The following ZDHHC15 variants were observed in gnomAD, a reference collection of about 807,000 sequenced individuals.
The protein encoded by ZDHHC15 is zDHHC palmitoyltransferase 15, also known as palmitoyltransferase ZDHHC15.
A neutral mutation model predicts 31.7 loss-of-function variants in ZDHHC15; 19 were observed. The ratio of observed to expected loss-of-function variants is 0.60; its 90% CI spans 0.42 to 0.88. The LOEUF (loss-of-function observed/expected upper bound fraction) is 0.88, where lower values mean the gene tolerates loss of function less well. Among genes scored for constraint, ZDHHC15 ranks in the 40% least tolerant of loss-of-function variants. ZDHHC15 has a pLI of 0.00. For missense variants in ZDHHC15, 209 were observed against 251.2 expected, an observed-to-expected ratio of 0.83 and a Z score of 1.14; for synonymous variants, 103 against 90.0, an observed-to-expected ratio of 1.14 and a Z score of -0.82.
chrX:75,490,776 GA>G (rs1469583279), intron 2 of ZDHHC15, among the ~76,000 whole-genome samples: 1 of 111,643 alleles, frequency 9.0e-6, no homozygotes, highest in Non-Finnish European at 1.9e-5. Context: ...GCTCACTCAT[GA>G]TTTGGCTCTC....
Position 75,370,231 on chromosome X carries a change from G to A in ZDHHC15, c.*2747C>T, listed in dbSNP as rs1261598113. On this transcript the variant is annotated 3_prime_UTR_variant, in exon 12 of 12. Transcript: ENST00000373367. ...CAATGAGTATCTTCATTTTGCAAACGGAGAAAATGAGTATCAACAATTAGG... is the reference window on the plus strand; with the variant it reads ...CAATGAGTATCTTCATTTTGCAAACAGAGAAAATGAGTATCAACAATTAGG... 1 of 111,400 alleles carries A rather than the reference G, an allele frequency of 9.0e-6. No individual in the cohort carries two copies. Among genetic ancestry groups the A allele is most frequent in the African/African-American group, 3.3e-5 (1 of 30,656 alleles). The allele number at this position is 111,400 out of a possible 1,213,427, so 9.2% of individuals were successfully genotyped here.
rs1244663405 is a variant in ZDHHC15, at chrX:75,431,889, C to G, written c.380-369G>C. Among the ~76,000 whole-genome samples, 7 of 111,866 alleles carry G rather than the reference C, an allele frequency of 6.3e-5. No homozygotes were observed. In the Admixed American group the frequency reaches 6.7e-4, roughly 11 times the overall value. On this transcript the variant is annotated intron_variant, in intron 4 of 11. Transcript: ENST00000373367. ...GAAAATAAGGATTCACAGTTTATCTCCTGTCTCCAGAGGTTGGATTGTATG... is the reference window on the plus strand; with the variant it reads ...GAAAATAAGGATTCACAGTTTATCTGCTGTCTCCAGAGGTTGGATTGTATG...
chrX:75,399,025 T>C (rs1006139850), intron 10 of ZDHHC15, among the ~76,000 whole-genome samples: 3 of 111,929 alleles, frequency 2.7e-5, no homozygotes, highest in African/African-American at 9.8e-5. Context: ...CAAGTTGCCA[T>C]GTTTGATGTT....
intron 3 of ZDHHC15, among the ~76,000 whole-genome samples, chrX:75,464,509 A>G (rs2084371780): frequency 9.0e-6 from 1 of 111,716 alleles, no homozygotes; most frequent in Non-Finnish European, 1.9e-5. Context: ...GTTAAAACAA[A>G]AAAAGAAAAC....
chrX:75,445,672 T>C (rs770958180), intron 4 of ZDHHC15, among the ~76,000 whole-genome samples: 2 of 111,932 alleles, frequency 1.8e-5, no homozygotes, highest in African/African-American at 3.2e-5. Context: ...ATTACAATGA[T>C]AGTTGAACTC....
chrX:75,453,936 T>C (rs1214265637), intron 3 of ZDHHC15, among the ~76,000 whole-genome samples: 3 of 111,640 alleles, frequency 2.7e-5, no homozygotes, highest in Non-Finnish European at 5.6e-5. Flanking sequence ...AGTATCATAC[T>C]GAATGGGCAA....
At chrX:75,384,062 A>G (rs1456080658) in intron 10 of ZDHHC15, among the ~76,000 whole-genome samples, 3 of 110,443 alleles carry the variant, frequency 2.7e-5, no homozygotes, top group Non-Finnish European at 5.7e-5. Context: ...GTTTTTCCCT[A>G]TTCTCTCTCC....
intron 1 of ZDHHC15, among the ~76,000 whole-genome samples, chrX:75,508,953 A>G (rs1306809996): frequency 9.0e-6 from 1 of 111,025 alleles, no homozygotes; most frequent in Non-Finnish European, 1.9e-5. Context: ...TTCTTTTGAG[A>G]AGTGTCTGTT....
At chrX:75,454,746 C>T (rs982728882) in intron 3 of ZDHHC15, among the ~76,000 whole-genome samples, 2 of 110,954 alleles carry the variant, frequency 1.8e-5, no homozygotes, top group African/African-American at 6.5e-5. Context: ...CACATGTACC[C>T]TAGAACTTAA....
intron 3 of ZDHHC15, among the ~76,000 whole-genome samples, chrX:75,466,106 A>G (rs915877970): frequency 6.3e-5 from 7 of 111,871 alleles, no homozygotes; most frequent in Admixed American, 2.9e-4. Context: ...TAAGAAAAAA[A>G]CAAACAACCC....
intron 4 of ZDHHC15, among the ~76,000 whole-genome samples, chrX:75,439,860 C>T (rs1218138242): frequency 9.0e-6 from 1 of 111,660 alleles, no homozygotes; most frequent in Non-Finnish European, 1.9e-5. Context: ...ACTGGGTGAT[C>T]CCTTGATGTG....
chrX:75,514,098 T>C, intron 1 of ZDHHC15, among the ~76,000 whole-genome samples: 1 of 112,998 alleles, frequency 8.8e-6, no homozygotes, highest in Non-Finnish European at 1.9e-5. Flanking sequence ...ACTAGTAGAA[T>C]TGCCCTTCAA....
rs981319759 is a variant in ZDHHC15 at position 75,372,489 on chromosome X, A to G, written c.*489T>C. On this transcript the variant is annotated 3_prime_UTR_variant, in exon 12 of 12. Transcript: ENST00000373367. ...TTTTTAGCCCTGATTTTCACACTAT[A>G]GCAGAATTTTGTATAGATATGCTGT... 6.5e-4 allele frequency: 73 copies of G among 111,886 alleles called. No individual in the cohort carries two copies. Among genetic ancestry groups the G allele is most frequent in the African/African-American group, 2.3e-3 (72 of 30,890 alleles). The allele number at this position is 111,886 out of a possible 1,213,427, so 9.2% of individuals were successfully genotyped here. A position where few individuals can be genotyped will look rare whatever the true frequency, so the allele number is the denominator to read the frequency against.
At chrX:75,445,529 C>T (rs2084021969) in intron 4 of ZDHHC15, among the ~76,000 whole-genome samples, 1 of 111,933 alleles carries the variant, frequency 8.9e-6, no homozygotes, top group African/African-American at 3.2e-5. Context: ...CAGATGAGTT[C>T]AGGAATTCCC....
chrX:75,416,770 T>C (rs1212529992), intron 10 of ZDHHC15, among the ~76,000 whole-genome samples: 4 of 111,582 alleles, frequency 3.6e-5, no homozygotes, highest in Non-Finnish European at 7.5e-5. Context: ...ATTGATTAAA[T>C]TGAACTCCAC....
intron 3 of ZDHHC15, among the ~76,000 whole-genome samples, chrX:75,477,231 T>C (rs1399047253): frequency 6.1e-5 from 4 of 65,144 alleles, no homozygotes; most frequent in Non-Finnish European, 1.4e-4. Flanking sequence ...TCAGAGAAGA[T>C]ATTTTGTGTC....
chrX:75,492,443 T>C (rs2084914305), intron 2 of ZDHHC15, among the ~76,000 whole-genome samples: 1 of 111,458 alleles, frequency 9.0e-6, no homozygotes, highest in Non-Finnish European at 1.9e-5. Context: ...AATAGACATC[T>C]ACAGAACTCT....
At chrX:75,495,904 A>C (rs1426927712) in intron 2 of ZDHHC15, among the ~76,000 whole-genome samples, 2 of 108,567 alleles carry the variant, frequency 1.8e-5, no homozygotes, top group Non-Finnish European at 3.8e-5. Context: ...CACATTGTGC[A>C]CATGTACCAT....
At chrX:75,462,104 AAC>A (rs1380432746) in intron 3 of ZDHHC15, among the ~76,000 whole-genome samples, 2 of 111,909 alleles carry the variant, frequency 1.8e-5, no homozygotes, top group African/African-American at 6.5e-5. Flanking sequence ...ACAAATGAAA[AAC>A]AGAAAAAAGT....
Sources: allele counts gnomAD v4.1 joint callset (sites outside exome capture counted in the v4.1 genomes callset), GRCh38; gene constraint gnomAD v4.1.1; transcripts MANE v1.5; gene names NCBI Gene and HGNC (gene_info 2026-07-23, HGNC 2026-07-21).